SLC16A10: variants seen among roughly 807,000 people sequenced by gnomAD.
The protein encoded by SLC16A10 is monocarboxylate transporter 10.
SLC16A10 carries 27 observed loss-of-function variants against 40.0 expected under a neutral mutation model. The observed-to-expected ratio is 0.67, with a 90% CI of 0.50 to 0.93. The LOEUF is 0.93. Ranked by LOEUF, SLC16A10 falls within the 40% of genes least tolerant of loss-of-function variation. SLC16A10 has a pLI of 0.00. For missense variants in SLC16A10, 529 were observed against 658.2 expected, an observed-to-expected ratio of 0.80 and a Z score of 2.15; for synonymous variants, 213 against 249.8, an observed-to-expected ratio of 0.85 and a Z score of 1.39.
intron 1 of SLC16A10, among the ~76,000 whole-genome samples, chr6:111,109,733 T>C (rs1030571292): frequency 6.6e-6 from 1 of 152,160 alleles, no homozygotes; most frequent in Non-Finnish European, 1.5e-5. Context: ...GTTACAAGTG[T>C]GAGCCATCAC....
intron 1 of SLC16A10, among the ~76,000 whole-genome samples, chr6:111,104,749 CA>C (rs1158357066): frequency 3.9e-5 from 6 of 152,120 alleles, no homozygotes; most frequent in Admixed American, 1.3e-4. Context: ...AGGAACATGA[CA>C]TAATGGAAAC....
intron 3 of SLC16A10, among the ~76,000 whole-genome samples, chr6:111,203,965 C>T (rs568390331): frequency 6.6e-6 from 1 of 151,916 alleles, no homozygotes; most frequent in Admixed American, 6.5e-5. Flanking sequence ...AAAAAAGATG[C>T]CTGGTAGATT....
At position 111,093,956 on chromosome 6, in the gene SLC16A10, C is replaced by A. The variant is rs144122400; in HGVS notation, c.343+5861C>A. Reference sequence around the variant, plus strand: ...TTCCAGAATGTTTCTGGATTAAGTGCGAGACTGAATAGCATATATAGTGAA... The same window carrying A: ...TTCCAGAATGTTTCTGGATTAAGTGAGAGACTGAATAGCATATATAGTGAA... On this transcript the variant is annotated intron_variant, in intron 1 of 5. Coordinates refer to ENST00000368851, the MANE Select transcript of SLC16A10 (RefSeq NM_018593.5). 3.3e-5 allele frequency among the ~76,000 whole-genome samples: 5 copies of A among 152,036 alleles called. No individual in the cohort carries two copies. The East Asian group carries it at 5.8e-4, about 18-fold the overall frequency.
Position 111,163,404 on chromosome 6 carries a change from G to A in SLC16A10, c.344-9291G>A, listed in dbSNP as rs372720598. 1.4e-4 allele frequency among the ~76,000 whole-genome samples: 22 copies of A among 151,888 alleles called. No individual in the cohort carries two copies. In the South Asian group the frequency reaches 3.3e-3, roughly 23 times the overall value. The stretch of plus-strand genomic sequence containing the variant: ...CCTGACCTCGTGATCCGCCCGCCTC[G>A]GCCTCCCAAAGTGCTGGGATTACAG... On this transcript the variant is annotated intron_variant, in intron 1 of 5. Coordinates refer to ENST00000368851, the MANE Select transcript of SLC16A10 (RefSeq NM_018593.5).
intron 1 of SLC16A10, among the ~76,000 whole-genome samples, chr6:111,154,845 G>A (rs938949906): frequency 3.3e-5 from 5 of 151,906 alleles, no homozygotes; most frequent in African/African-American, 1.2e-4. Flanking sequence ...ACAAAAATCA[G>A]AAACCCTGTC....
At chr6:111,145,407 A>G (rs959256971) in intron 1 of SLC16A10, among the ~76,000 whole-genome samples, 2 of 152,136 alleles carry the variant, frequency 1.3e-5, no homozygotes, top group Non-Finnish European at 2.9e-5. Flanking sequence ...TCTCAAAATA[A>G]ATAGATAGAT....
Position 111,121,365 on chromosome 6 carries a change from C to A in SLC16A10, c.343+33270C>A, listed in dbSNP as rs113272339. Among the ~76,000 whole-genome samples the A allele has an allele frequency of 2.5e-3, 384 of 152,266 alleles. 2 individuals are homozygous for A. The highest frequency in any genetic ancestry group is 8.7e-3 in the African/African-American group (363 of 41,558). On this transcript the variant is annotated intron_variant, in intron 1 of 5. Transcript: ENST00000368851. The stretch of plus-strand genomic sequence containing the variant: ...TTGCTTGAGCCCAGGAGTTCAAGAC[C>A]AGCCTGGGCAACATAGGAAACCCTG...
At position 111,125,182 on chromosome 6, in the gene SLC16A10, CGTA is replaced by C. The variant is rs149532067; in HGVS notation, c.343+37088_343+37090del. ...TAGATCCGTGAATCCTGCCAAAAGA[CGTA>C]TTTTAATCCAAAGATCTTTCTGCAT... On this transcript the variant is annotated intron_variant, in intron 1 of 5. Coordinates refer to ENST00000368851, the MANE Select transcript of SLC16A10 (RefSeq NM_018593.5). Among the ~76,000 whole-genome samples, 51 of 152,206 alleles carry C rather than the reference CGTA, an allele frequency of 3.4e-4. No individual in the cohort carries two copies. The East Asian group carries it at 6.2e-3, about 18-fold the overall frequency.
chr6:111,162,315 A>G (rs1290551949), intron 1 of SLC16A10, among the ~76,000 whole-genome samples: 1 of 152,222 alleles, frequency 6.6e-6, no homozygotes, highest in African/African-American at 2.4e-5. Flanking sequence ...GAGCCCAGCC[A>G]TGGGTTTGTA....
intron 1 of SLC16A10, among the ~76,000 whole-genome samples, chr6:111,130,060 G>T (rs368793474): frequency 1.9e-3 from 285 of 152,272 alleles, no homozygotes; most frequent in African/African-American, 6.6e-3. Flanking sequence ...CTACACTGGA[G>T]TTACCAACTG....
chr6:111,198,783 A>G (rs1773120034), intron 3 of SLC16A10, among the ~76,000 whole-genome samples: 3 of 152,202 alleles, frequency 2.0e-5, no homozygotes, highest in Admixed American at 2.0e-4. Flanking sequence ...GTTCATTTGC[A>G]TGCACATTTA....
At chr6:111,096,802 T>TTTTCTTTC (rs890407814) in intron 1 of SLC16A10, among the ~76,000 whole-genome samples, 1 of 152,094 alleles carries the variant, frequency 6.6e-6, no homozygotes, top group Non-Finnish European at 1.5e-5. Context: ...AGTGAATCTT[T>TTTTCTTTC]TTTCTTTCTT....
intron 1 of SLC16A10, among the ~76,000 whole-genome samples, chr6:111,171,869 C>T (rs951970780): frequency 1.3e-5 from 2 of 149,006 alleles, no homozygotes; most frequent in East Asian, 2.0e-4. Flanking sequence ...GGTAAAGTTT[C>T]GTTTGGACTT....
intron 1 of SLC16A10, among the ~76,000 whole-genome samples, chr6:111,125,255 A>G: frequency 6.6e-6 from 1 of 152,142 alleles, no homozygotes; most frequent in East Asian, 1.9e-4. Context: ...TAAAAGCAGC[A>G]TTATCATTAA....
intron 1 of SLC16A10, among the ~76,000 whole-genome samples, chr6:111,108,652 G>C (rs1390869290): frequency 6.6e-6 from 1 of 152,206 alleles, no homozygotes; most frequent in Non-Finnish European, 1.5e-5. Flanking sequence ...GCCCTGTGCT[G>C]TCTGCCTAGG....
At chr6:111,215,254 T>C (rs1382475125) in intron 4 of SLC16A10, among the ~76,000 whole-genome samples, 2 of 152,142 alleles carry the variant, frequency 1.3e-5, no homozygotes, top group African/African-American at 4.8e-5. Context: ...CCAAGACTCA[T>C]GTTATGTAAA....
chr6:111,156,039 G>A (rs776554712), intron 1 of SLC16A10, among the ~76,000 whole-genome samples: 9 of 152,156 alleles, frequency 5.9e-5, no homozygotes, highest in Non-Finnish European at 1.2e-4. Context: ...CCCCAATAAT[G>A]GGAGTATGTC....
chr6:111,211,590 G>A (rs1322539552), intron 4 of SLC16A10, among the ~76,000 whole-genome samples: 4 of 152,212 alleles, frequency 2.6e-5, no homozygotes, highest in Non-Finnish European at 5.9e-5. Flanking sequence ...AAACAAGCCT[G>A]AGAAGGAGAA....
At chr6:111,179,834 G>A (rs1021559447) in intron 3 of SLC16A10, among the ~76,000 whole-genome samples, 7 of 152,320 alleles carry the variant, frequency 4.6e-5, no homozygotes, top group Non-Finnish European at 8.8e-5. Context: ...ATGCAGCACG[G>A]TAGAGGAAAG....
Sources: gnomAD v4.1 joint callset for allele counts (sites outside exome capture counted in the v4.1 genomes callset) on GRCh38, gnomAD v4.1.1 for gene constraint, MANE v1.5 for transcripts, NCBI Gene and HGNC (gene_info 2026-07-23, HGNC 2026-07-21) for gene names.